Variants in MINDY1 observed in about 807,000 individuals in gnomAD.
MINDY1 encodes the protein MINDY lysine 48 deubiquitinase 1, also known as ubiquitin carboxyl-terminal hydrolase MINDY-1.
A neutral mutation model predicts 53.6 loss-of-function variants in MINDY1; 50 were observed. That is an observed-to-expected ratio of 0.93 (90% CI 0.74 to 1.18). The LOEUF is 1.18. Among genes scored for constraint, MINDY1 ranks in the 50% most tolerant of loss-of-function variants. The pLI is 0.00. For synonymous variants in MINDY1, 231 were observed against 234.7 expected (o/e 0.98, Z 0.14); for missense variants, 484 against 578.6 (o/e 0.84, Z 1.68).
Position 151,002,296 on chromosome 1 carries a change from G to C in MINDY1, c.322C>G (p.Gln108Glu). Residue 108 changes from glutamine (Q) to glutamate (E), a missense_variant, in exon 2 of 10, where the codon CAG (glutamine) becomes GAG (glutamate). Gln to Glu is a conservative substitution (Grantham distance 29). Transcript: ENST00000683666. This position sits in a 1 kb window ranked among gnomAD's most constrained non-coding sequence, Gnocchi z 4.1. ...QELPQSPRTR[Q>E]PEPDFYCVKW... ...ACACAGTAGAAATCTGGCTCAGGCT[G>C]TCGGGTCCTGGGGGACTGAGGAAGC... 6.2e-7 allele frequency: 1 copy of C among 1,614,228 alleles called. No homozygotes were observed. Among genetic ancestry groups the C allele is most frequent in the African/African-American group, 1.3e-5 (1 of 75,066 alleles).
Position 151,002,796 on chromosome 1 carries a change from T to C in MINDY1, c.-89-90A>G. ...GAATGTAGTGTAGAAGGCTGGCTAG[T>C]GTTTGTGCAGTAACTCCTGGCTATG... On this transcript the variant is annotated intron_variant, in intron 1 of 9. Coordinates refer to ENST00000683666, the MANE Select transcript of MINDY1 (RefSeq NM_001376665.1). The surrounding 1 kb of genome is among the most constrained non-coding windows in gnomAD (Gnocchi z 4.1). 1 of 1,468,574 alleles carries C rather than the reference T, an allele frequency of 6.8e-7. No individual in the cohort carries two copies. 91.0% of individuals were successfully genotyped at this position (1,468,574 alleles called of 1,614,324 possible). A position where few individuals can be genotyped will look rare whatever the true frequency, so the allele number is the denominator to read the frequency against.
Position 151,002,155 on chromosome 1 carries a change from G to C in MINDY1, c.453+10C>G. 6.3e-7 allele frequency: 1 copy of C among 1,592,068 alleles called. No homozygotes were observed. Among genetic ancestry groups the C allele is most frequent in the Non-Finnish European group, 8.6e-7 (1 of 1,168,314 alleles). ...ATATTTTTTGCACCCCTAACTGCAT[G>C]TTCTCTTACCTTCCACTGAAGAAAG... On this transcript the variant is annotated intron_variant, in intron 2 of 9. Transcript: ENST00000683666. This position sits in a 1 kb window ranked among gnomAD's most constrained non-coding sequence, Gnocchi z 4.1.
Position 150,999,235 on chromosome 1 carries a change from G to T in MINDY1, c.981+134C>A. ...CACCAGGAGCGGGAAATGAACCTTT[G>T]TTGTGGTAAACCACAGGGATTTGAG... On this transcript the variant is annotated intron_variant, in intron 7 of 9. Coordinates refer to ENST00000683666, the MANE Select transcript of MINDY1 (RefSeq NM_001376665.1). This position sits in a 1 kb window ranked among gnomAD's most constrained non-coding sequence, Gnocchi z 4.4. The T allele has an allele frequency of 7.8e-7, 1 of 1,286,826 alleles. No individual in the cohort carries two copies. Among genetic ancestry groups the T allele is most frequent in the Non-Finnish European group, 1.1e-6 (1 of 915,262 alleles). The allele number at this position is 1,286,826 out of a possible 1,614,324, so 79.7% of individuals were successfully genotyped here. A position where few individuals can be genotyped will look rare whatever the true frequency, so the allele number is the denominator to read the frequency against.
In MINDY1 at chr1:151,006,884, G is replaced by A; in HGVS notation, c.-662C>T. 2.0e-6 allele frequency: 2 copies of A among 985,416 alleles called. No individual in the cohort carries two copies. The highest frequency in any genetic ancestry group is 4.7e-5 in the South Asian group (1 of 21,286). The allele number at this position is 985,416 out of a possible 1,614,324, so 61.0% of individuals were successfully genotyped here. A position where few individuals can be genotyped will look rare whatever the true frequency, so the allele number is the denominator to read the frequency against. ...CCCTCTGCCTGCCTCTAGAAGGGAC[G>A]GAGCGCTTGTGCCTCTCTGGTGAGA... On this transcript the variant is annotated 5_prime_UTR_variant, in exon 1 of 10. Transcript: ENST00000683666.
intron 7 of MINDY1, 87 bp from the exon 8 acceptor site, chr1:150,998,360 T>G: frequency 8.1e-7 from 1 of 1,228,516 alleles, no homozygotes; most frequent in Non-Finnish European, 1.1e-6. Context: ...GCATGTGGAC[T>G]TTTTTTTTCT....
rs770989794 is a variant in MINDY1 at position 150,997,293 on chromosome 1, C to T, written c.1404G>A (p.Leu468=). 1 of 1,589,996 alleles carries T rather than the reference C, an allele frequency of 6.3e-7. No homozygotes were observed. Among genetic ancestry groups the T allele is most frequent in the South Asian group, 1.1e-5 (1 of 87,848 alleles). ...GCCTGGCACTGGGGCAGAGCTACAG[C>T]AGAATGCAGTCTGACTCGTGCTTCG... ...QRPKHESDCI[L]L The change falls in exon 10 of 10, where the codon CTG becomes CTA. Residue 468 remains leucine (L), a synonymous_variant. Coordinates refer to ENST00000683666, the MANE Select transcript of MINDY1 (RefSeq NM_001376665.1).
At chr1:151,003,384 T>G (rs1253060763) in intron 1 of MINDY1, among the ~76,000 whole-genome samples, 1 of 152,038 alleles carries the variant, frequency 6.6e-6, no homozygotes, top group Non-Finnish European at 1.5e-5. Context: ...CTACTGAACC[T>G]TACACAATCC....
chr1:151,005,201 C>T (rs1292702391), intron 1 of MINDY1, among the ~76,000 whole-genome samples: 1 of 151,930 alleles, frequency 6.6e-6, no homozygotes, highest in African/African-American at 2.4e-5. Flanking sequence ...ACCTGTATCC[C>T]AGCACTTTGA....
Position 151,006,338 on chromosome 1 carries a change from A to G in MINDY1, c.-116T>C. The G allele has an allele frequency of 1.4e-6, 2 of 1,410,210 alleles. No individual in the cohort carries two copies. Among genetic ancestry groups the G allele is most frequent in the Non-Finnish European group, 1.8e-6 (2 of 1,083,020 alleles). 87.4% of individuals were successfully genotyped at this position (1,410,210 alleles called of 1,614,324 possible). On this transcript the variant is annotated 5_prime_UTR_variant, in exon 1 of 10. Coordinates refer to ENST00000683666, the MANE Select transcript of MINDY1 (RefSeq NM_001376665.1). ...TTAAAGAAGGGGGTGCTGTTCCAAG[A>G]TTGAGAAGGAGGGTTCAGCCGTGGC... is the stretch of plus-strand genomic sequence containing the variant.
At chr1:150,998,403 G>C (rs1672104720) in intron 7 of MINDY1, 130 bp from the exon 8 acceptor site, 1 of 801,698 alleles carries the variant, frequency 1.2e-6, no homozygotes, top group Non-Finnish European at 2.0e-6. Context: ...CATCCAGGCT[G>C]GAGTGCAGTG....
Position 151,002,435 on chromosome 1 carries a change from C to T in MINDY1, c.183G>A (p.Gln61=). ...EPADQALLPS[Q]CGDNLESPLP... ...GAGGGGACTCAAGGTTGTCCCCACA[C>T]TGGCTAGGCAGCAAAGCTTGGTCTG... Residue 61 remains glutamine (Q), a synonymous_variant, in exon 2 of 10, where the codon CAG becomes CAA. Coordinates refer to ENST00000683666, the MANE Select transcript of MINDY1 (RefSeq NM_001376665.1). This position sits in a 1 kb window ranked among gnomAD's most constrained non-coding sequence, Gnocchi z 4.1. 1 of 1,614,220 alleles carries T rather than the reference C, an allele frequency of 6.2e-7. No individual in the cohort carries two copies. The highest frequency in any genetic ancestry group is 8.5e-7 in the Non-Finnish European group (1 of 1,180,026).
rs771205 is a variant in MINDY1 at position 151,002,632 on chromosome 1, T to C, written c.-15A>G. ...TGGTATTCCATGGTCAAAAGGGACT[T>C]GGCTGAGGGGCACTGAAGGTGTTTA... is the stretch of plus-strand genomic sequence containing the variant. On this transcript the variant is annotated 5_prime_UTR_variant, in exon 2 of 10. Coordinates refer to ENST00000683666, the MANE Select transcript of MINDY1 (RefSeq NM_001376665.1). This position sits in a 1 kb window ranked among gnomAD's most constrained non-coding sequence, Gnocchi z 4.1. 1,522,249 of 1,613,918 alleles carry C rather than the reference T, an allele frequency of 0.94. 729,727 individuals are homozygous for C. Among genetic ancestry groups the C allele is most frequent in the Non-Finnish European group, 0.98 (1,160,446 of 1,179,946 alleles).
At chr1:151,008,208 A>G (rs1673435874), upstream of MINDY1, 2 of 1,096,366 alleles carry the variant, frequency 1.8e-6, no homozygotes, top group Non-Finnish European at 1.1e-6. Flanking sequence ...CTGAGAGGGA[A>G]AGTTCAGATG....
At position 151,000,461 on chromosome 1, in the gene MINDY1, G is replaced by A; in HGVS notation, c.731C>T (p.Pro244Leu). 6.2e-7 allele frequency: 1 copy of A among 1,602,266 alleles called. No homozygotes were observed. Among genetic ancestry groups the A allele is most frequent in the Admixed American group, 1.7e-5 (1 of 57,790 alleles). The change falls in exon 5 of 10, where the codon CCA (proline) becomes CTA (leucine). Residue 244 changes from proline (P) to leucine (L), a missense_variant. Physicochemically the swap from Pro to Leu is moderately conservative, Grantham distance 98. Transcript: ENST00000683666. ...IPLYHGWLVDPQSPEAVRAVG... is the reference protein window; with the variant it reads ...IPLYHGWLVDLQSPEAVRAVG... ...AGTGGGCCCTCCCACCCTCACCTGT[G>A]GATCAACAAGCCAGCCATGGTACAG...
chr1:150,998,092 T>C lies in MINDY1; in HGVS notation c.1163A>G (p.Gln388Arg). The C allele has an allele frequency of 6.2e-7, 1 of 1,611,384 alleles. No individual in the cohort carries two copies. Among genetic ancestry groups the C allele is most frequent in the African/African-American group, 1.3e-5 (1 of 75,036 alleles). Residue 388 changes from glutamine (Q) to arginine (R), a missense_variant, in exon 8 of 10, where the codon CAG (glutamine) becomes CGG (arginine). Gln to Arg is a conservative substitution (Grantham distance 43). Coordinates refer to ENST00000683666, the MANE Select transcript of MINDY1 (RefSeq NM_001376665.1). Reference sequence around the variant, plus strand: ...AAGTGCCCTACACACCTGGTCTACCTGCAGCTGCGTTTCTGGGGAGCCACT... The same window carrying C: ...AAGTGCCCTACACACCTGGTCTACCCGCAGCTGCGTTTCTGGGGAGCCACT... ...GGSGSPETQL[Q>R]VDQDYLIALS...
chr1:150,996,994 G>C lies in MINDY1; in HGVS notation c.*293C>G. The C allele has an allele frequency of 2.3e-6, 1 of 433,692 alleles. No homozygotes were observed. The highest frequency in any genetic ancestry group is 4.2e-6 in the Non-Finnish European group (1 of 239,454). The allele number at this position is 433,692 out of a possible 1,614,324, so 26.9% of individuals were successfully genotyped here. On this transcript the variant is annotated 3_prime_UTR_variant, in exon 10 of 10. Transcript: ENST00000683666. ...AAGCAGAAGAGATGCATTCTGGATA[G>C]GGACCTCACCCCAGAGCCTCAGTCT...
intron 7 of MINDY1, among the ~76,000 whole-genome samples, chr1:150,998,522 T>C (rs1672130908): frequency 6.6e-6 from 1 of 150,766 alleles, no homozygotes; most frequent in African/African-American, 2.5e-5. Context: ...GCCTGGCTAA[T>C]GTTTGGTATT....
At chr1:151,004,652 C>T (rs1344065502) in intron 1 of MINDY1, among the ~76,000 whole-genome samples, 1 of 151,838 alleles carries the variant, frequency 6.6e-6, no homozygotes, top group Non-Finnish European at 1.5e-5. Flanking sequence ...ATTGCTTGAA[C>T]CTGGGAGGCA....
rs937461311 is a variant in MINDY1, at chr1:151,006,884, G to C, written c.-662C>G. The C allele has an allele frequency of 6.8e-5, 67 of 985,298 alleles. No individual in the cohort carries two copies. The highest frequency in any genetic ancestry group is 7.8e-5 in the Non-Finnish European group (65 of 829,976). The allele number at this position is 985,298 out of a possible 1,614,324, so 61.0% of individuals were successfully genotyped here. On this transcript the variant is annotated 5_prime_UTR_variant, in exon 1 of 10. Transcript: ENST00000683666. ...CCCTCTGCCTGCCTCTAGAAGGGAC[G>C]GAGCGCTTGTGCCTCTCTGGTGAGA...
Sources: allele counts gnomAD v4.1 joint callset (sites outside exome capture counted in the v4.1 genomes callset), GRCh38; gene constraint gnomAD v4.1.1; non-coding constraint Gnocchi (gnomAD v3.1); transcripts MANE v1.5; gene names NCBI Gene and HGNC (gene_info 2026-07-23, HGNC 2026-07-21).